XKR9: variants seen among roughly 807,000 people sequenced by gnomAD.
XKR9 encodes XK-related protein 9.
Under a neutral mutation model 32.0 loss-of-function variants are expected in XKR9, and 32 were observed. The observed-to-expected ratio is 1.00, with a 90% CI of 0.76 to 1.34. XKR9 has a LOEUF of 1.34. XKR9 is among the 40% of genes most tolerant of loss of function. The pLI is 0.00. For synonymous variants in XKR9, 168 were observed against 143.4 expected, an observed-to-expected ratio of 1.17 and a Z score of -1.22; for missense variants, 546 against 429.7, an observed-to-expected ratio of 1.27 and a Z score of -2.39.
the XKR9 span, among the ~76,000 whole-genome samples, chr8:71,048,294 C>G: frequency 6.6e-6 from 1 of 152,184 alleles, no homozygotes; most frequent in Non-Finnish European, 1.5e-5. Flanking sequence ...CCGCTGGTCT[C>G]TCAGTCTGTG....
chr8:70,906,581 A>G, the XKR9 span, among the ~76,000 whole-genome samples: 2 of 152,198 alleles, frequency 1.3e-5, no homozygotes, highest in African/African-American at 4.8e-5. Flanking sequence ...TGATGGATAT[A>G]GTGAATGTTG....
chr8:70,676,340 A>G (rs1239664792), intron 2 of XKR9, among the ~76,000 whole-genome samples: 1 of 152,186 alleles, frequency 6.6e-6, no homozygotes, highest in Non-Finnish European at 1.5e-5. Flanking sequence ...GAGATTTGGT[A>G]GGGACATATA....
chr8:70,925,904 G>T, the XKR9 span, among the ~76,000 whole-genome samples: 1 of 152,116 alleles, frequency 6.6e-6, no homozygotes, highest in Non-Finnish European at 1.5e-5. Context: ...TGAATGAGAT[G>T]ATTGGAGGCA....
the XKR9 span, among the ~76,000 whole-genome samples, chr8:70,874,911 AT>A: frequency 6.6e-6 from 1 of 152,104 alleles, no homozygotes; most frequent in Non-Finnish European, 1.5e-5. Flanking sequence ...TCCAATCAAA[AT>A]GTAAAGATTG....
At position 70,729,508 on chromosome 8, in the gene XKR9, A is replaced by G. The variant is rs181490044; in HGVS notation, c.494-4288A>G. Among the ~76,000 whole-genome samples the G allele has an allele frequency of 7.9e-4, 121 of 152,270 alleles. 2 individuals carry two copies. The highest frequency in any genetic ancestry group is 2.8e-3 in the African/African-American group (117 of 41,546). Reference sequence around the variant, plus strand: ...TTTTTTCTCTTTATTCTAATGTCATAAATTCCAAAGTTATAAGAAATTTGC... The same window carrying G: ...TTTTTTCTCTTTATTCTAATGTCATGAATTCCAAAGTTATAAGAAATTTGC... On this transcript the variant is annotated intron_variant, in intron 4 of 4. Coordinates refer to ENST00000408926, the MANE Select transcript of XKR9 (RefSeq NM_001011720.2).
the XKR9 span, among the ~76,000 whole-genome samples, chr8:71,021,715 A>G: frequency 6.6e-6 from 1 of 151,436 alleles, no homozygotes; most frequent in Non-Finnish European, 1.5e-5. Context: ...GTCAGCCAGG[A>G]TGGTCTCGAT....
chr8:71,003,005 T>G, the XKR9 span, among the ~76,000 whole-genome samples: 4 of 152,244 alleles, frequency 2.6e-5, no homozygotes, highest in African/African-American at 4.8e-5. Context: ...CTGTGTACTG[T>G]GTTCAGCACT....
At chr8:70,831,684 T>A in the XKR9 span, among the ~76,000 whole-genome samples, 1 of 152,202 alleles carries the variant, frequency 6.6e-6, no homozygotes, top group Non-Finnish European at 1.5e-5. Flanking sequence ...GAAACTTATA[T>A]TCAGATTTCA....
chr8:70,739,449 A>T (rs1371848628), downstream of XKR9, among the ~76,000 whole-genome samples: 2 of 152,100 alleles, frequency 1.3e-5, no homozygotes, highest in African/African-American at 2.4e-5. Context: ...TTTTAACTGG[A>T]GCATTTAGTC....
intron 2 of XKR9, among the ~76,000 whole-genome samples, chr8:70,752,447 G>T (rs564135940): frequency 6.6e-6 from 1 of 152,254 alleles, no homozygotes; most frequent in African/African-American, 2.4e-5. Context: ...AGTGGAAGGG[G>T]AAGTTGGCAT....
the XKR9 span, among the ~76,000 whole-genome samples, chr8:70,965,793 A>G: frequency 1.1e-4 from 16 of 152,010 alleles, no homozygotes; most frequent in African/African-American, 3.9e-4. Flanking sequence ...GGGGTCAGTG[A>G]TATTTCCCTT....
the XKR9 span, among the ~76,000 whole-genome samples, chr8:70,919,069 G>A: frequency 6.6e-6 from 1 of 151,908 alleles, no homozygotes; most frequent in Non-Finnish European, 1.5e-5. Context: ...GAGCCACTGC[G>A]CCCGGCCGAT....
chr8:70,793,180 G>A (rs1227325516), downstream of XKR9, among the ~76,000 whole-genome samples: 34 of 151,996 alleles, frequency 2.2e-4, no homozygotes, highest in Admixed American at 2.2e-3. Flanking sequence ...TTATTAAAAT[G>A]AGCATTCTTC....
At chr8:70,767,552 G>A (rs1807396187) in intron 2 of XKR9, among the ~76,000 whole-genome samples, 1 of 138,090 alleles carries the variant, frequency 7.2e-6, no homozygotes, top group African/African-American at 2.7e-5. Flanking sequence ...AGACTGGAGT[G>A]CAGTGGTATG....
the XKR9 span, among the ~76,000 whole-genome samples, chr8:71,064,374 A>G: frequency 6.6e-6 from 1 of 152,186 alleles, no homozygotes; most frequent in African/African-American, 2.4e-5. Flanking sequence ...ACTTTAAGTA[A>G]TAGTGAAAAT....
chr8:71,044,246 C>T, the XKR9 span, among the ~76,000 whole-genome samples: 3 of 152,174 alleles, frequency 2.0e-5, no homozygotes, highest in East Asian at 5.8e-4. Context: ...TCAAAAAAGA[C>T]TTTCCCATTG....
chr8:70,817,811 C>T, the XKR9 span, among the ~76,000 whole-genome samples: 1 of 152,058 alleles, frequency 6.6e-6, no homozygotes, highest in African/African-American at 2.4e-5. Context: ...TAAAGCTGTA[C>T]ACCTACAACC....
chr8:70,696,858 T>C (rs1322372915), intron 3 of XKR9, among the ~76,000 whole-genome samples: 7 of 150,626 alleles, frequency 4.6e-5, no homozygotes, highest in South Asian at 2.1e-4. Context: ...TTTTATTTCA[T>C]TGAGCAGTGG....
At chr8:70,694,275 A>G (rs1805181416) in intron 3 of XKR9, among the ~76,000 whole-genome samples, 1 of 152,178 alleles carries the variant, frequency 6.6e-6, no homozygotes, top group Non-Finnish European at 1.5e-5. Context: ...GCCACATTTT[A>G]GTAGAGCAGC....
Sources: gnomAD v4.1 joint callset for allele counts (sites outside exome capture counted in the v4.1 genomes callset) on GRCh38, gnomAD v4.1.1 for gene constraint, MANE v1.5 for transcripts, NCBI Gene and HGNC (gene_info 2026-07-23, HGNC 2026-07-21) for gene names.